Variants in KCNIP1 observed in about 807,000 individuals in gnomAD.
KCNIP1 encodes the protein A-type potassium channel modulatory protein KCNIP1.
KCNIP1 carries 18 observed loss-of-function variants against 33.0 expected under a neutral mutation model. That is an observed-to-expected ratio of 0.55 (90% CI 0.38 to 0.81). The LOEUF is 0.81. Among genes scored for constraint, KCNIP1 ranks in the 30% least tolerant of loss-of-function variants. The pLI is 0.00. For missense variants in KCNIP1, 238 were observed against 271.6 expected (o/e 0.88, Z 0.87); for synonymous variants, 93 against 98.3 (o/e 0.95, Z 0.32).
chr5:170,698,109 C>G (rs1762961052), intron 1 of KCNIP1, among the ~76,000 whole-genome samples: 1 of 152,122 alleles, frequency 6.6e-6, no homozygotes, highest in Non-Finnish European at 1.5e-5. Flanking sequence ...GTGGGAATGC[C>G]CTCTCCAGGA....
At chr5:170,464,194 T>C (rs1022234886) in intron 1 of KCNIP1, among the ~76,000 whole-genome samples, 3 of 152,242 alleles carry the variant, frequency 2.0e-5, no homozygotes, top group East Asian at 1.9e-4. Context: ...AGAAGACTTA[T>C]ATTGTTAAGA....
chr5:170,558,303 C>T lies in KCNIP1; in HGVS notation c.61+53670C>T, dbSNP rs541452859. On this transcript the variant is annotated intron_variant, in intron 1 of 7. Transcript: ENST00000328939. ...CTGTAATCCTAGCTACATAGAAGGC[C>T]GAGGTGAGTGGATGGCTTGAGCCCA... is the stretch of plus-strand genomic sequence containing the variant. Among the ~76,000 whole-genome samples, 12 of 152,278 alleles carry T rather than the reference C, an allele frequency of 7.9e-5. No homozygotes were observed. In the South Asian group the frequency reaches 1.7e-3, roughly 21 times the overall value.
chr5:170,430,422 A>C (rs1383994579), intron 1 of KCNIP1, among the ~76,000 whole-genome samples: 1 of 152,140 alleles, frequency 6.6e-6, no homozygotes, highest in Non-Finnish European at 1.5e-5. Flanking sequence ...CTTGCCCAGC[A>C]TTCTCTTCCA....
chr5:170,493,160 G>A (rs1757242373), intron 1 of KCNIP1, among the ~76,000 whole-genome samples: 1 of 152,122 alleles, frequency 6.6e-6, no homozygotes, highest in Admixed American at 6.5e-5. Context: ...AGAAAGTTTT[G>A]TTTACTATCT....
chr5:170,398,976 C>T lies in KCNIP1; in HGVS notation c.88+45012C>T, dbSNP rs543190943. On this transcript the variant is annotated intron_variant, in intron 1 of 7. Transcript: ENST00000377360. ...ATTCAAGGAGAGTCACAGAGGACAG[C>T]GAAAGAAGCAAGTTTATTGGAAACT... 2.6e-5 allele frequency among the ~76,000 whole-genome samples: 4 copies of T among 152,122 alleles called. No individual in the cohort carries two copies. The East Asian group carries it at 7.7e-4, about 29-fold the overall frequency.
intron 1 of KCNIP1, among the ~76,000 whole-genome samples, chr5:170,589,808 C>CGGTGCGGTGCGGTGCGGTGTGGTGT (rs1554103012): frequency 6.7e-6 from 1 of 149,844 alleles, no homozygotes; most frequent in South Asian, 2.1e-4. Context: ...CGGTGCGGTG[C>CGGTGCGGTGCGGTGCGGTGTGGTGT]GGTGCGGTGT....
chr5:170,632,055 GAGTCCTC>G (rs1270660874), intron 1 of KCNIP1, among the ~76,000 whole-genome samples: 1 of 152,180 alleles, frequency 6.6e-6, no homozygotes, highest in Non-Finnish European at 1.5e-5. Context: ...GCTCAGCTCT[GAGTCCTC>G]GCCGGCCACA....
chr5:170,677,558 G>A (rs528545186), intron 1 of KCNIP1, among the ~76,000 whole-genome samples: 23 of 152,178 alleles, frequency 1.5e-4, no homozygotes, highest in Non-Finnish European at 3.1e-4. Flanking sequence ...GCAAAAACTT[G>A]GCATTTGTGA....
intron 1 of KCNIP1, among the ~76,000 whole-genome samples, chr5:170,440,951 G>C (rs1195828120): frequency 6.6e-6 from 1 of 152,154 alleles, no homozygotes; most frequent in Non-Finnish European, 1.5e-5. Context: ...CAATGCCCTG[G>C]TTCCCATTGC....
chr5:170,729,146 T>G (rs954028192), intron 5 of KCNIP1, among the ~76,000 whole-genome samples: 1 of 152,048 alleles, frequency 6.6e-6, no homozygotes, highest in African/African-American at 2.4e-5. Flanking sequence ...TACAGTTGCT[T>G]TTTAACTAAA....
intron 1 of KCNIP1, among the ~76,000 whole-genome samples, chr5:170,645,780 G>A (rs148359788): frequency 1.3e-5 from 2 of 151,960 alleles, no homozygotes; most frequent in Non-Finnish European, 2.9e-5. Context: ...TGCTCTCAAA[G>A]CACAATGGAA....
At chr5:170,661,915 A>G (rs965718822) in intron 1 of KCNIP1, among the ~76,000 whole-genome samples, 2 of 152,182 alleles carry the variant, frequency 1.3e-5, no homozygotes, top group Non-Finnish European at 2.9e-5. Flanking sequence ...CTCAATGTGT[A>G]CAACATAGAG....
At chr5:170,390,096 G>A (rs183228526) in intron 1 of KCNIP1, among the ~76,000 whole-genome samples, 12 of 152,272 alleles carry the variant, frequency 7.9e-5, no homozygotes, top group East Asian at 1.9e-4. Flanking sequence ...CAGAGACCGC[G>A]AAAGTACAGA....
chr5:170,384,450 G>T (rs1260506395), intron 1 of KCNIP1, among the ~76,000 whole-genome samples: 12 of 152,214 alleles, frequency 7.9e-5, no homozygotes, highest in Admixed American at 5.9e-4. Context: ...TCTAGATGGT[G>T]CTTCACCAGA....
chr5:170,404,463 A>C (rs1561608891), intron 1 of KCNIP1, among the ~76,000 whole-genome samples: 1 of 152,162 alleles, frequency 6.6e-6, no homozygotes, highest in African/African-American at 2.4e-5. Context: ...GGGCTGGGCT[A>C]GGCTGATCTC....
chr5:170,380,634 G>T (rs1388537468), intron 1 of KCNIP1, among the ~76,000 whole-genome samples: 1 of 152,214 alleles, frequency 6.6e-6, no homozygotes, highest in Admixed American at 6.5e-5. Context: ...GGAGACGCTG[G>T]CTCCTCAGGA....
chr5:170,582,884 T>C (rs1040853999), intron 1 of KCNIP1, among the ~76,000 whole-genome samples: 2 of 152,228 alleles, frequency 1.3e-5, no homozygotes, highest in Non-Finnish European at 2.9e-5. Flanking sequence ...GGGAGCAAAC[T>C]GCCTCCTGAG....
At chr5:170,445,387 A>C (rs1204412383) in intron 1 of KCNIP1, among the ~76,000 whole-genome samples, 2 of 152,228 alleles carry the variant, frequency 1.3e-5, no homozygotes, top group Non-Finnish European at 2.9e-5. Context: ...AGGGCAAGCC[A>C]AGAGAAGACT....
chr5:170,618,891 C>T (rs149156441), intron 1 of KCNIP1, among the ~76,000 whole-genome samples: 122 of 152,274 alleles, frequency 8.0e-4, no homozygotes, highest in African/African-American at 2.8e-3. Flanking sequence ...ATAGAGAAGA[C>T]AGCACATTCC....
Sources: gnomAD v4.1 joint callset for allele counts (sites outside exome capture counted in the v4.1 genomes callset) on GRCh38, gnomAD v4.1.1 for gene constraint, MANE v1.5 for transcripts, NCBI Gene and HGNC (gene_info 2026-07-23, HGNC 2026-07-21) for gene names.